The following CHCHD6 variants were observed in gnomAD, a reference collection of about 807,000 sequenced individuals.
CHCHD6 encodes MICOS complex subunit MIC25.
CHCHD6 carries 28 observed loss-of-function variants against 32.3 expected under a neutral mutation model. The observed-to-expected ratio is 0.87, with a 90% CI of 0.64 to 1.19. CHCHD6 has a LOEUF of 1.19. Among genes scored for constraint, CHCHD6 ranks in the 50% most tolerant of loss-of-function variants. CHCHD6 has a pLI of 0.00. For missense variants in CHCHD6, 333 were observed against 307.0 expected (o/e 1.08, Z -0.63); for synonymous variants, 122 against 117.5 (o/e 1.04, Z -0.25).
At chr3:126,862,549 T>G (rs553059288) in intron 5 of CHCHD6, among the ~76,000 whole-genome samples, 1 of 123,280 alleles carries the variant, frequency 8.1e-6, no homozygotes, top group Non-Finnish European at 1.7e-5. Flanking sequence ...CATCACCACC[T>G]CCTCCTCCTC....
intron 6 of CHCHD6, among the ~76,000 whole-genome samples, chr3:126,942,495 G>T: frequency 6.6e-6 from 1 of 152,102 alleles, no homozygotes; most frequent in South Asian, 2.1e-4. Context: ...ATTTGGTTAT[G>T]TTAGTAAGGA....
intron 4 of CHCHD6, among the ~76,000 whole-genome samples, chr3:126,827,344 A>G (rs1940439100): frequency 6.6e-6 from 1 of 152,220 alleles, no homozygotes; most frequent in Non-Finnish European, 1.5e-5. Flanking sequence ...CCAGGCTGCC[A>G]TGCGTCATCT....
intron 1 of CHCHD6, among the ~76,000 whole-genome samples, chr3:126,726,412 G>A (rs1363689406): frequency 1.3e-5 from 2 of 152,176 alleles, no homozygotes; most frequent in African/African-American, 2.4e-5. Context: ...ACAGATCACT[G>A]TAACAGATAT....
chr3:126,744,029 C>T (rs899276415), intron 4 of CHCHD6, among the ~76,000 whole-genome samples: 16 of 152,182 alleles, frequency 1.1e-4, no homozygotes, highest in South Asian at 2.1e-4. Context: ...CCTCTTCCTT[C>T]GGGTCAGTGC....
intron 4 of CHCHD6, among the ~76,000 whole-genome samples, chr3:126,784,541 A>G (rs1440516292): frequency 6.6e-6 from 1 of 152,132 alleles, no homozygotes; most frequent in Non-Finnish European, 1.5e-5. Context: ...TTTGTAGACT[A>G]CCTGGTGTAC....
intron 4 of CHCHD6, among the ~76,000 whole-genome samples, chr3:126,773,338 A>G (rs1937576772): frequency 6.6e-6 from 1 of 152,204 alleles, no homozygotes; most frequent in South Asian, 2.1e-4. Flanking sequence ...GGCAGCCGTC[A>G]GACAGGTTAG....
intron 4 of CHCHD6, among the ~76,000 whole-genome samples, chr3:126,774,410 T>C (rs1239907406): frequency 6.6e-6 from 1 of 152,228 alleles, no homozygotes; most frequent in Non-Finnish European, 1.5e-5. Flanking sequence ...AGAAGTTATA[T>C]CTTGTGTAAA....
At chr3:126,864,180 ACCT>A (rs1286196317) in intron 5 of CHCHD6, among the ~76,000 whole-genome samples, 1 of 74,724 alleles carries the variant, frequency 1.3e-5, no homozygotes, top group Admixed American at 1.4e-4. Flanking sequence ...CCACCTCCCC[ACCT>A]CCCCCTCCTC....
rs549111981 is a variant in CHCHD6, at chr3:126,798,463, A to G, written c.412-54184A>G. ...TGCTTTCAGGATGGGCCACAGTTTG[A>G]TCTGGAAACTAAATGTGCCCTTTTC... On this transcript the variant is annotated intron_variant, in intron 4 of 7. Coordinates refer to ENST00000290913, the MANE Select transcript of CHCHD6 (RefSeq NM_032343.3). 2.6e-5 allele frequency among the ~76,000 whole-genome samples: 4 copies of G among 152,270 alleles called. No individual in the cohort carries two copies. In the South Asian group the frequency reaches 8.3e-4, roughly 32 times the overall value.
chr3:126,824,550 G>C (rs1450726868), intron 4 of CHCHD6, among the ~76,000 whole-genome samples: 1 of 28,922 alleles, frequency 3.5e-5, no homozygotes, highest in Non-Finnish European at 5.6e-5. Flanking sequence ...GATAGAGCAA[G>C]ACTCTGTCTC....
At chr3:126,776,667 T>G (rs1488421564) in intron 4 of CHCHD6, among the ~76,000 whole-genome samples, 1 of 152,232 alleles carries the variant, frequency 6.6e-6, no homozygotes, top group Non-Finnish European at 1.5e-5. Context: ...ATATAATCAT[T>G]TAATTCTCAT....
intron 6 of CHCHD6, among the ~76,000 whole-genome samples, chr3:126,947,271 G>C (rs971300281): frequency 6.6e-6 from 1 of 152,256 alleles, no homozygotes; most frequent in African/African-American, 2.4e-5. Flanking sequence ...TGATGCTGCA[G>C]GCTGCCATGA....
chr3:126,814,525 A>G (rs1037645769), intron 4 of CHCHD6, among the ~76,000 whole-genome samples: 3 of 152,238 alleles, frequency 2.0e-5, no homozygotes, highest in African/African-American at 7.2e-5. Flanking sequence ...TTGATCACCA[A>G]ATGGCCAATG....
intron 6 of CHCHD6, among the ~76,000 whole-genome samples, chr3:126,922,682 A>G (rs923476163): frequency 3.3e-5 from 5 of 150,454 alleles, no homozygotes; most frequent in Non-Finnish European, 7.4e-5. Flanking sequence ...AAGCTGTGGC[A>G]TCTTATGCAG....
rs552311233 is a variant in CHCHD6 at position 126,835,176 on chromosome 3, C to T, written c.412-17471C>T. Among the ~76,000 whole-genome samples, 9 of 152,210 alleles carry T rather than the reference C, an allele frequency of 5.9e-5. No individual in the cohort carries two copies. The South Asian group carries it at 1.9e-3, about 32-fold the overall frequency. ...AACTGATGGAGATGGCCCAGTGAGC[C>T]CCACCCTAGCTGCAGGCCAACAGTT... On this transcript the variant is annotated intron_variant, in intron 4 of 7. Coordinates refer to ENST00000290913, the MANE Select transcript of CHCHD6 (RefSeq NM_032343.3).
intron 4 of CHCHD6, among the ~76,000 whole-genome samples, chr3:126,797,909 A>T (rs929486752): frequency 6.6e-6 from 1 of 152,160 alleles, no homozygotes; most frequent in Non-Finnish European, 1.5e-5. Context: ...CCTCCGTGCC[A>T]GTGTCTGGCT....
intron 4 of CHCHD6, among the ~76,000 whole-genome samples, chr3:126,742,666 A>G (rs1936331274): frequency 6.6e-6 from 1 of 152,090 alleles, no homozygotes; most frequent in Non-Finnish European, 1.5e-5. Flanking sequence ...AGGAAGGGAA[A>G]CCTGAGAGAG....
At chr3:126,808,807 G>T (rs977161174) in intron 4 of CHCHD6, among the ~76,000 whole-genome samples, 12 of 152,146 alleles carry the variant, frequency 7.9e-5, no homozygotes, top group African/African-American at 2.7e-4. Flanking sequence ...GAATGAGCAG[G>T]AGCATTGTCC....
intron 1 of CHCHD6, among the ~76,000 whole-genome samples, chr3:126,713,652 A>G (rs1391795150): frequency 6.6e-6 from 1 of 151,854 alleles, no homozygotes; most frequent in Non-Finnish European, 1.5e-5. Context: ...TCTATTCCAC[A>G]CTTACTTCCT....
Sources: gnomAD v4.1 joint callset for allele counts (sites outside exome capture counted in the v4.1 genomes callset) on GRCh38, gnomAD v4.1.1 for gene constraint, MANE v1.5 for transcripts, NCBI Gene and HGNC (gene_info 2026-07-23, HGNC 2026-07-21) for gene names.